Variants in MAPK7 observed in about 807,000 individuals in gnomAD.
The protein encoded by MAPK7 is mitogen-activated protein kinase 7, also known as BMK-1.
MAPK7 carries 30 observed loss-of-function variants against 56.9 expected under a neutral mutation model. The observed-to-expected ratio is 0.53, with a 90% CI of 0.39 to 0.72. MAPK7 has a LOEUF of 0.72. Ranked by LOEUF, MAPK7 falls within the 30% of genes least tolerant of loss-of-function variation. The pLI is 0.00. For missense variants in MAPK7, 952 were observed against 1,110.8 expected (o/e 0.86, Z 2.03); for synonymous variants, 516 against 449.3 (o/e 1.15, Z -1.88).
intron 3 of MAPK7, 37 bp from the exon 4 acceptor site, chr17:19,380,571 G>C: frequency 6.4e-7 from 1 of 1,561,652 alleles, no homozygotes; most frequent in Non-Finnish European, 8.7e-7. Flanking sequence ...AGTGTGATCA[G>C]GCCAACCCAT....
In MAPK7 at chr17:19,381,456, A is replaced by C. The variant is rs758886992; in HGVS notation, c.1247A>C (p.Asp416Ala). The part of the protein sequence containing the change: ...QPVASEPGCP[D>A]VEMPSPWAPS... ...GTGGCTAGTGAGCCTGGCTGTCCAG[A>C]TGTTGAAATGCCCAGTCCCTGGGCT... Residue 416 changes from aspartate to alanine, a missense_variant, in exon 4 of 7, where the codon GAT (aspartate) becomes GCT (alanine). Physicochemically the swap from Asp to Ala is moderately radical, Grantham distance 126. Transcript: ENST00000395604. The surrounding 1 kb of genome is among the most constrained non-coding windows in gnomAD (Gnocchi z 4.6). The C allele has an allele frequency of 2.5e-5, 40 of 1,613,936 alleles. No individual in the cohort carries two copies. The highest frequency in any genetic ancestry group is 3.2e-5 in the Non-Finnish European group (38 of 1,180,032).
Position 19,382,283 on chromosome 17 carries a change from C to T in MAPK7, c.1980C>T (p.Ser660=), listed in dbSNP as rs1407664409. Reference sequence around the variant, plus strand: ...CCGCGCCACCCCAGATTGCCACCTCCACCAGCCTCCTGGCTGCCCAGTCAC... The same window carrying T: ...CCGCGCCACCCCAGATTGCCACCTCTACCAGCCTCCTGGCTGCCCAGTCAC... ...PVPAPPQIAT[S]TSLLAAQSLV... Residue 660 remains serine (S), a synonymous_variant, in exon 5 of 7, where the codon TCC becomes TCT. Transcript: ENST00000395604. 1.2e-6 allele frequency: 2 copies of T among 1,612,788 alleles called. No homozygotes were observed. The highest frequency in any genetic ancestry group is 2.2e-5 in the East Asian group (1 of 44,880).
In MAPK7 at chr17:19,379,867, C is replaced by T; in HGVS notation, c.318C>T (p.Leu106=). The change falls in exon 3 of 7, where the codon CTC becomes CTT. Residue 106 remains leucine, a synonymous_variant. Coordinates refer to ENST00000395604, the MANE Select transcript of MAPK7 (RefSeq NM_002749.4). ...GGACCCTCAGGGAGCTGAAGATCCT[C>T]AAGCACTTTAAACACGACAACATCA... is the stretch of plus-strand genomic sequence containing the variant. The part of the protein sequence containing the change: ...AKRTLRELKI[L]KHFKHDNIIA... The T allele has an allele frequency of 6.2e-7, 1 of 1,614,220 alleles. No individual in the cohort carries two copies. Among genetic ancestry groups the T allele is most frequent in the Non-Finnish European group, 8.5e-7 (1 of 1,180,030 alleles).
At position 19,378,870 on chromosome 17, in the gene MAPK7, C is replaced by A; in HGVS notation, c.-5-26C>A. ...ACACTGAGGCCCACGGTAGGTGGTCCTCTCCTCACCCGAGTCTCCACACAG... is the reference window on the plus strand; with the variant it reads ...ACACTGAGGCCCACGGTAGGTGGTCATCTCCTCACCCGAGTCTCCACACAG... On this transcript the variant is annotated intron_variant, in intron 1 of 6. Coordinates refer to ENST00000395604, the MANE Select transcript of MAPK7 (RefSeq NM_002749.4). The surrounding 1 kb of genome is among the most constrained non-coding windows in gnomAD (Gnocchi z 5.4). 1 of 1,526,838 alleles carries A rather than the reference C, an allele frequency of 6.5e-7. No homozygotes were observed. 94.6% of individuals were successfully genotyped at this position (1,526,838 alleles called of 1,614,324 possible). A position where few individuals can be genotyped will look rare whatever the true frequency, so the allele number is the denominator to read the frequency against.
chr17:19,379,124 G>C lies in MAPK7; in HGVS notation c.224G>C (p.Arg75Pro), dbSNP rs1271613921. The C allele has an allele frequency of 1.9e-6, 3 of 1,612,162 alleles. No homozygotes were observed. The highest frequency in any genetic ancestry group is 2.2e-5 in the East Asian group (1 of 44,856). ...AYGVVSSARR[R>P]LTGQQVAIKK... ...GGAGTGGTGTCCTCCGCCCGCCGCCGCCTCACCGGTGAGCTTCCTGAGCCG... is the reference window on the plus strand; with the variant it reads ...GGAGTGGTGTCCTCCGCCCGCCGCCCCCTCACCGGTGAGCTTCCTGAGCCG... The change falls in exon 2 of 7, where the codon CGC becomes CCC. Residue 75 changes from arginine (R) to proline (P), a missense_variant. By Grantham distance (103) the Arg-to-Pro change is moderately radical. Transcript: ENST00000395604.
chr17:19,378,771 G>A lies in MAPK7; in HGVS notation c.-5-125G>A. ...GGGGTAGCTAGTCTGCCACGAACCA[G>A]CCGCGCGCTTCTGCCCTTGTCGGTT... is the stretch of plus-strand genomic sequence containing the variant. On this transcript the variant is annotated intron_variant, in intron 1 of 6. Coordinates refer to ENST00000395604, the MANE Select transcript of MAPK7 (RefSeq NM_002749.4). This position sits in a 1 kb window ranked among gnomAD's most constrained non-coding sequence, Gnocchi z 5.4. 1 of 1,287,442 alleles carries A rather than the reference G, an allele frequency of 7.8e-7. No homozygotes were observed. Among genetic ancestry groups the A allele is most frequent in the South Asian group, 1.5e-5 (1 of 64,612 alleles). The allele number at this position is 1,287,442 out of a possible 1,614,324, so 79.8% of individuals were successfully genotyped here.
chr17:19,382,036 C>T lies in MAPK7; in HGVS notation c.1733C>T (p.Pro578Leu), dbSNP rs1598116923. The change falls in exon 5 of 7, where the codon CCC (proline) becomes CTC (leucine). Residue 578 changes from proline to leucine, a missense_variant. Coordinates refer to ENST00000395604, the MANE Select transcript of MAPK7 (RefSeq NM_002749.4). Reference sequence around the variant, plus strand: ...GAACGCTGGACTCGAATGGCCCGGCCCGCAGCCCCAGCCCTCACCTCTGTG... The same window carrying T: ...GAACGCTGGACTCGAATGGCCCGGCTCGCAGCCCCAGCCCTCACCTCTGTG... ...LLERWTRMAR[P>L]AAPALTSVPA... 1.3e-6 allele frequency: 2 copies of T among 1,567,646 alleles called. No homozygotes were observed. Among genetic ancestry groups the T allele is most frequent in the Admixed American group, 1.9e-5 (1 of 52,240 alleles).
intron 3 of MAPK7, 187 bp downstream of exon 3, chr17:19,380,134 G>A: frequency 1.5e-6 from 1 of 647,504 alleles, no homozygotes; most frequent in East Asian, 2.8e-5. Context: ...GTGTACAGAT[G>A]ATTTTACAGT....
Position 19,381,883 on chromosome 17 carries a change from G to A in MAPK7, c.1580G>A (p.Arg527Gln). The change falls in exon 5 of 7, where the codon CGA (arginine) becomes CAA (glutamine). Residue 527 changes from arginine (R) to glutamine (Q), a missense_variant. Coordinates refer to ENST00000395604, the MANE Select transcript of MAPK7 (RefSeq NM_002749.4). This position sits in a 1 kb window ranked among gnomAD's most constrained non-coding sequence, Gnocchi z 4.6. ...GAGAAGCGGCGGAGGCGGCAAGAAC[G>A]AGCCAAGGAGCGGGAGAAACGGCGG... The part of the protein sequence containing the change: ...REEKRRRRQE[R>Q]AKEREKRRQE... 6.4e-7 allele frequency: 1 copy of A among 1,569,660 alleles called. No homozygotes were observed. Among genetic ancestry groups the A allele is most frequent in the Non-Finnish European group, 8.6e-7 (1 of 1,156,944 alleles).
chr17:19,380,116 C>T lies in MAPK7; in HGVS notation c.398+169C>T, dbSNP rs182886259. The T allele has an allele frequency of 1.8e-4, 122 of 689,650 alleles. No homozygotes were observed. In the African/African-American group the frequency reaches 2.1e-3, roughly 12 times the overall value. The allele number at this position is 689,650 out of a possible 1,614,324, so 42.7% of individuals were successfully genotyped here. A position where few individuals can be genotyped will look rare whatever the true frequency, so the allele number is the denominator to read the frequency against. On this transcript the variant is annotated intron_variant, in intron 3 of 6. Coordinates refer to ENST00000395604, the MANE Select transcript of MAPK7 (RefSeq NM_002749.4). ...GTTTTGCCAGGGACAACTGTTATTC[C>T]TCAAGAAGTGTACAGATGATTTTAC...
rs762076860 is a variant in MAPK7, at chr17:19,379,646, T to G, written c.233-136T>G. On this transcript the variant is annotated intron_variant, in intron 2 of 6. Coordinates refer to ENST00000395604, the MANE Select transcript of MAPK7 (RefSeq NM_002749.4). ...GTAGGTAACATGCTTAGCACAGGGC[T>G]TGGCACATAGTAGGTACCCAATACT... 5.4e-6 allele frequency: 4 copies of G among 742,042 alleles called. No individual in the cohort carries two copies. In the Admixed American group the frequency reaches 1.0e-4, roughly 19 times the overall value. The allele number at this position is 742,042 out of a possible 1,614,324, so 46.0% of individuals were successfully genotyped here.
rs1426486898 is a variant in MAPK7, at chr17:19,381,244, T to C, written c.1035T>C (p.Pro345=). 6.2e-7 allele frequency: 1 copy of C among 1,613,976 alleles called. No individual in the cohort carries two copies. Among genetic ancestry groups the C allele is most frequent in the Non-Finnish European group, 8.5e-7 (1 of 1,180,046 alleles). The part of the protein sequence containing the change: ...RISAAAALRH[P]FLAKYHDPDD... ...CAGCAGCTGCTGCCCTTCGCCACCCTTTCCTGGCCAAGTACCATGATCCTG... is the reference window on the plus strand; with the variant it reads ...CAGCAGCTGCTGCCCTTCGCCACCCCTTCCTGGCCAAGTACCATGATCCTG... The change falls in exon 4 of 7, where the codon CCT becomes CCC. Residue 345 remains proline (P), a synonymous_variant. Coordinates refer to ENST00000395604, the MANE Select transcript of MAPK7 (RefSeq NM_002749.4). This position sits in a 1 kb window ranked among gnomAD's most constrained non-coding sequence, Gnocchi z 4.6.
upstream of MAPK7, chr17:19,377,998 G>A (rs1912239411): frequency 1.0e-6 from 1 of 985,254 alleles, no homozygotes; most frequent in Non-Finnish European, 1.2e-6. Flanking sequence ...GGCCGTGACG[G>A]GCACCCTCTA....
At chr17:19,377,940 G>T (rs564407470), upstream of MAPK7, 1 of 985,450 alleles carries the variant, frequency 1.0e-6, no homozygotes, top group Non-Finnish European at 1.2e-6. Context: ...TCAGTGGAGG[G>T]TTCGGCCGGA....
rs1042855 is a variant in MAPK7, at chr17:19,382,131, G to A, written c.1828G>A (p.Val610Ile). 2.5e-6 allele frequency: 4 copies of A among 1,612,304 alleles called. No individual in the cohort carries two copies. Among genetic ancestry groups the A allele is most frequent in the Non-Finnish European group, 3.4e-6 (4 of 1,179,700 alleles). The change falls in exon 5 of 7, where the codon GTA (valine) becomes ATA (isoleucine). Residue 610 changes from valine (V) to isoleucine (I), a missense_variant. By Grantham distance (29) the Val-to-Ile change is conservative (BLOSUM62 3). Transcript: ENST00000395604. ...VQPTSPPPGPVAQPTGPQPQS... is the reference protein window; with the variant it reads ...VQPTSPPPGPIAQPTGPQPQS... ...ACCTACCAGTCCTCCTCCTGGCCCT[G>A]TAGCCCAGCCCACTGGCCCGCAACC...
chr17:19,380,422 G>A, intron 3 of MAPK7, 186 bp from the exon 4 acceptor site: 4 of 1,391,020 alleles, frequency 2.9e-6, no homozygotes, highest in Non-Finnish European at 3.7e-6. Flanking sequence ...ATTTAACCAA[G>A]TTCATGGAAA....
rs147306640 is a variant in MAPK7 at position 19,382,346 on chromosome 17, A to G, written c.2043A>G (p.Pro681=). 8.5e-5 allele frequency: 137 copies of G among 1,613,220 alleles called. No individual in the cohort carries two copies. The African/African-American group carries it at 1.4e-3, about 17-fold the overall frequency. ...PPPGLPGSST[P]GVLPYFPPGL... Reference sequence around the variant, plus strand: ...CTGGGCTGCCTGGCTCCAGCACCCCAGGAGTTTTGCCTTACTTCCCACCTG... The same window carrying G: ...CTGGGCTGCCTGGCTCCAGCACCCCGGGAGTTTTGCCTTACTTCCCACCTG... Residue 681 remains proline, a synonymous_variant, in exon 5 of 7, where the codon CCA becomes CCG. Coordinates refer to ENST00000395604, the MANE Select transcript of MAPK7 (RefSeq NM_002749.4).
rs1912533115 is a variant in MAPK7, at chr17:19,380,204, C to T, written c.398+257C>T. The T allele has an allele frequency of 6.0e-5, 32 of 537,468 alleles. 2 individuals are homozygous for T. The South Asian group carries it at 7.9e-4, about 13-fold the overall frequency. The allele number at this position is 537,468 out of a possible 1,614,324, so 33.3% of individuals were successfully genotyped here. A position where few individuals can be genotyped will look rare whatever the true frequency, so the allele number is the denominator to read the frequency against. ...AGGACATTCCTACTATGACCACACC[C>T]TCCTATTCCCATAGCAGACTTCACT... On this transcript the variant is annotated intron_variant, in intron 3 of 6. Coordinates refer to ENST00000395604, the MANE Select transcript of MAPK7 (RefSeq NM_002749.4).
upstream of MAPK7, chr17:19,378,414 A>G (rs1186364581): frequency 6.9e-6 from 7 of 1,007,790 alleles, no homozygotes; most frequent in Non-Finnish European, 8.3e-6. The surrounding 1 kb of genome is among the most constrained non-coding windows in gnomAD (Gnocchi z 5.4). Context: ...TAGAAGGGGC[A>G]GGACCCTCCG....
Sources: allele counts gnomAD v4.1 joint callset, GRCh38; gene constraint gnomAD v4.1.1; non-coding constraint Gnocchi (gnomAD v3.1); transcripts MANE v1.5; gene names NCBI Gene and HGNC (gene_info 2026-07-23, HGNC 2026-07-21).